The following GPR142 variants were observed in gnomAD, a reference collection of about 807,000 sequenced individuals.
GPR142 encodes the protein G protein-coupled receptor 142.
In GPR142, 9 loss-of-function variants were observed where a neutral mutation model predicts 10.6. The ratio of observed to expected loss-of-function variants is 0.85; its 90% CI spans 0.51 to 1.48. GPR142 has a LOEUF of 1.48. Among genes scored for constraint, GPR142 ranks in the 40% most tolerant of loss-of-function variants. GPR142 has a pLI of 0.00. For synonymous variants in GPR142, 202 were observed against 221.2 expected (o/e 0.91, Z 0.77); for missense variants, 482 against 506.0 (o/e 0.95, Z 0.45).
chr17:74,371,906 G>T lies in GPR142; in HGVS notation c.431G>T (p.Arg144Leu), dbSNP rs374270854. The T allele has an allele frequency of 1.9e-6, 3 of 1,612,674 alleles. No homozygotes were observed. In the African/African-American group the frequency reaches 4.0e-5, roughly 22 times the overall value. ...LARQVPQAVV[R>L]TANILEFAAN... ...CGCCAGGTGCCCCAGGCTGTGGTGC[G>T]CACGGCCAACATCCTGGAGTTTGCT... Residue 144 changes from arginine (R) to leucine (L), a missense_variant, in exon 4 of 4, where the codon CGC (arginine) becomes CTC (leucine). Physicochemically the swap from Arg to Leu is moderately radical, Grantham distance 102. Coordinates refer to ENST00000582579, the MANE Select transcript of GPR142 (RefSeq NM_001331076.1).
Position 74,371,924 on chromosome 17 carries a change from A to G in GPR142, c.449A>G (p.Glu150Gly), listed in dbSNP as rs2144342298. The G allele has an allele frequency of 6.2e-7, 1 of 1,612,864 alleles. No individual in the cohort carries two copies. The highest frequency in any genetic ancestry group is 1.3e-5 in the African/African-American group (1 of 75,026). Reference protein sequence around the residue: ...QAVVRTANILEFAANHASVWI... With the variant: ...QAVVRTANILGFAANHASVWI... ...GTGGTGCGCACGGCCAACATCCTGG[A>G]GTTTGCTGCCAACCACGCCTCAGTC... Residue 150 changes from glutamate (E) to glycine (G), a missense_variant, in exon 4 of 4, where the codon GAG becomes GGG. By Grantham distance (98) the Glu-to-Gly change is moderately conservative. Coordinates refer to ENST00000582579, the MANE Select transcript of GPR142 (RefSeq NM_001331076.1).
Position 74,369,760 on chromosome 17 carries a change from C to A in GPR142, c.94+126C>A, listed in dbSNP as rs562169846. Reference sequence around the variant, plus strand: ...AGCTGAGAGTGAGTGAGCAGTGAGCCCCCCGGCCTCAGCAGGAAACGAAAA... The same window carrying A: ...AGCTGAGAGTGAGTGAGCAGTGAGCACCCCGGCCTCAGCAGGAAACGAAAA... On this transcript the variant is annotated intron_variant, in intron 2 of 3. Coordinates refer to ENST00000582579, the MANE Select transcript of GPR142 (RefSeq NM_001331076.1). The A allele has an allele frequency of 2.8e-4, 273 of 970,258 alleles. 1 individual carries two copies. The African/African-American group carries it at 3.8e-3, about 13-fold the overall frequency. The allele number at this position is 970,258 out of a possible 1,614,324, so 60.1% of individuals were successfully genotyped here.
At chr17:74,371,335 T>C (rs1018139705) in intron 3 of GPR142, among the ~76,000 whole-genome samples, 6 of 152,272 alleles carry the variant, frequency 3.9e-5, no homozygotes, top group African/African-American at 1.2e-4. Flanking sequence ...TTGTATATTT[T>C]TTTAACAGAG....
rs775171440 is a variant in GPR142 at position 74,371,993 on chromosome 17, G to GCCAC, written c.521_524dup (p.Leu176ProfsTer?). 1 of 1,612,940 alleles carries GCCAC rather than the reference G, an allele frequency of 6.2e-7. No individual in the cohort carries two copies. The highest frequency in any genetic ancestry group is 8.5e-7 in the Non-Finnish European group (1 of 1,179,924). ...ACGGTTGACCGCTACACTGCCCTGT[G>GCCAC]CCACCCCCTGCACCATCGGGCCGCC... is the stretch of plus-strand genomic sequence containing the variant. On this transcript the variant is annotated frameshift_variant, in exon 4 of 4. Transcript: ENST00000582579. LOFTEE classifies it low-confidence loss of function (END_TRUNC).
Position 74,369,450 on chromosome 17 carries a change from C to G in GPR142, c.-73-18C>G. 1 of 1,553,826 alleles carries G rather than the reference C, an allele frequency of 6.4e-7. No individual in the cohort carries two copies. The highest frequency in any genetic ancestry group is 8.7e-7 in the Non-Finnish European group (1 of 1,147,932). On this transcript the variant is annotated intron_variant, in intron 1 of 3. Coordinates refer to ENST00000582579, the MANE Select transcript of GPR142 (RefSeq NM_001331076.1). ...TTCCTTCCTCCTCCTTCCCCCGCCC[C>G]GCCCCCTGCACTAACAGGCTCAGTG... is the stretch of plus-strand genomic sequence containing the variant.
rs1179292751 is a variant in GPR142 at position 74,372,448 on chromosome 17, C to T, written c.973C>T (p.Leu325Phe). 5.0e-6 allele frequency: 8 copies of T among 1,613,824 alleles called. No homozygotes were observed. Among genetic ancestry groups the T allele is most frequent in the Non-Finnish European group, 5.1e-6 (6 of 1,179,978 alleles). The change falls in exon 4 of 4, where the codon CTC (leucine) becomes TTC (phenylalanine). Residue 325 changes from leucine to phenylalanine, a missense_variant. Coordinates refer to ENST00000582579, the MANE Select transcript of GPR142 (RefSeq NM_001331076.1). Reference protein sequence around the residue: ...AMLHTAANFGLYCFVSKTFRA... With the variant: ...AMLHTAANFGFYCFVSKTFRA... ...GCTCCACACGGCAGCCAACTTCGGC[C>T]TCTACTGCTTTGTCAGCAAGACTTT...
At chr17:74,370,251 G>A (rs1200534749) in intron 2 of GPR142, among the ~76,000 whole-genome samples, 2 of 152,226 alleles carry the variant, frequency 1.3e-5, no homozygotes, top group African/African-American at 4.8e-5. Context: ...CCCATGGGGA[G>A]CAATGGTCTC....
At position 74,372,095 on chromosome 17, in the gene GPR142, G is replaced by A. The variant is rs929029650; in HGVS notation, c.620G>A (p.Trp207Ter). The A allele has an allele frequency of 5.6e-6, 9 of 1,614,214 alleles. No individual in the cohort carries two copies. Among genetic ancestry groups the A allele is most frequent in the Non-Finnish European group, 7.6e-6 (9 of 1,180,046 alleles). Residue 207 changes from tryptophan (W) to a stop codon, truncating the protein, a stop_gained, in exon 4 of 4, where the codon TGG becomes TAG. Coordinates refer to ENST00000582579, the MANE Select transcript of GPR142 (RefSeq NM_001331076.1). LOFTEE classifies it low-confidence loss of function (END_TRUNC). ...CTGTTGACCGGCATCCCCTTCTACT[G>A]GTGGCTGGACATGTGGAGAGACACC... ...AALLTGIPFY[W>*]WLDMWRDTDS...
intron 1 of GPR142, among the ~76,000 whole-genome samples, chr17:74,368,481 G>C (rs540634617): frequency 3.4e-4 from 52 of 152,278 alleles, no homozygotes; most frequent in African/African-American, 7.5e-4. Flanking sequence ...GTATCCGAGG[G>C]GGGGTTGGGA....
Position 74,367,565 on chromosome 17 carries a change from G to T in GPR142, c.-303G>T, listed in dbSNP as rs1317008428. On this transcript the variant is annotated 5_prime_UTR_variant, in exon 1 of 4. In the 5' UTR this introduces an upstream ATG that the reference lacks. Coordinates refer to ENST00000582579, the MANE Select transcript of GPR142 (RefSeq NM_001331076.1). ...TCCAGTGGGTCCCCACTTCCCTGCA[G>T]GACATCACTGCTGTCCTGGGTACAG... The T allele has an allele frequency of 1.9e-6, 3 of 1,614,156 alleles. No homozygotes were observed. Among genetic ancestry groups the T allele is most frequent in the Non-Finnish European group, 2.5e-6 (3 of 1,180,004 alleles).
intron 3 of GPR142, 137 bp from the exon 4 acceptor site, chr17:74,371,592 G>C: frequency 1.1e-6 from 1 of 933,156 alleles, no homozygotes; most frequent in African/African-American, 1.6e-5. Context: ...GTTTCAGAAG[G>C]ATCTGGAAGG....
chr17:74,369,812 G>A lies in GPR142; in HGVS notation c.94+178G>A, dbSNP rs567055273. ...CTGGAGTTCAGCCTGAAAGAGACGCGCAGTGTGGCTTCAGGGGAACAGGGG... is the reference window on the plus strand; with the variant it reads ...CTGGAGTTCAGCCTGAAAGAGACGCACAGTGTGGCTTCAGGGGAACAGGGG... On this transcript the variant is annotated intron_variant, in intron 2 of 3. Coordinates refer to ENST00000582579, the MANE Select transcript of GPR142 (RefSeq NM_001331076.1). Among the ~76,000 whole-genome samples, 15 of 152,268 alleles carry A rather than the reference G, an allele frequency of 9.9e-5. No individual in the cohort carries two copies. In the South Asian group the frequency reaches 2.3e-3, roughly 23 times the overall value.
In GPR142 at chr17:74,372,551, C is replaced by T. The variant is rs544945480; in HGVS notation, c.1076C>T (p.Ala359Val). Reference sequence around the variant, plus strand: ...GCATCACAGCCAGAGGGCATGGCGGCGAAGCCTGTGATGGAGCCTCCGGGA... The same window carrying T: ...GCATCACAGCCAGAGGGCATGGCGGTGAAGCCTGTGATGGAGCCTCCGGGA... ...TLASQPEGMAAKPVMEPPGLP... is the reference protein window; with the variant it reads ...TLASQPEGMAVKPVMEPPGLP... Residue 359 changes from alanine to valine, a missense_variant, in exon 4 of 4, where the codon GCG becomes GTG. Transcript: ENST00000582579. 222 of 1,611,280 alleles carry T rather than the reference C, an allele frequency of 1.4e-4. No homozygotes were observed. Among genetic ancestry groups the T allele is most frequent in the Middle Eastern group, 3.3e-4 (2 of 6,058 alleles).
At position 74,367,531 on chromosome 17, in the gene GPR142, A is replaced by C; in HGVS notation, c.-337A>C. The C allele has an allele frequency of 6.2e-7, 1 of 1,614,056 alleles. No homozygotes were observed. Among genetic ancestry groups the C allele is most frequent in the Non-Finnish European group, 8.5e-7 (1 of 1,179,972 alleles). On this transcript the variant is annotated 5_prime_UTR_variant, in exon 1 of 4. Transcript: ENST00000582579. Reference sequence around the variant, plus strand: ...ATGAGTATTATGATGTTGCCCATGGAGCAAAAGATCCAGTGGGTCCCCACT... The same window carrying C: ...ATGAGTATTATGATGTTGCCCATGGCGCAAAAGATCCAGTGGGTCCCCACT...
At chr17:74,369,441 C>G in intron 1 of GPR142, 27 bp from the exon 2 acceptor site, 1 of 1,547,388 alleles carries the variant, frequency 6.5e-7, no homozygotes, top group Non-Finnish European at 8.7e-7. Context: ...CCTCCTCCTT[C>G]CCCCGCCCCG....
In GPR142 at chr17:74,369,625, C is replaced by A; in HGVS notation, c.85C>A (p.Arg29=). 1 of 1,546,426 alleles carries A rather than the reference C, an allele frequency of 6.5e-7. No individual in the cohort carries two copies. The highest frequency in any genetic ancestry group is 8.7e-7 in the Non-Finnish European group (1 of 1,145,406). ...GCCCCAGAGCATGGGGCTTGAGGGA[C>A]GAGAGACAGGTAAGGCATCTTGAAG... is the stretch of plus-strand genomic sequence containing the variant. ...SGPQSMGLEG[R]ETAGQPRVTL... is the part of the protein sequence containing the mutation. The change falls in exon 2 of 4, where the codon CGA becomes AGA. Residue 29 remains arginine, a synonymous_variant. Coordinates refer to ENST00000582579, the MANE Select transcript of GPR142 (RefSeq NM_001331076.1).
At position 74,372,040 on chromosome 17, in the gene GPR142, C is replaced by T. The variant is rs375886308; in HGVS notation, c.565C>T (p.Arg189Trp). 25 of 1,613,936 alleles carry T rather than the reference C, an allele frequency of 1.5e-5. No individual in the cohort carries two copies. The highest frequency in any genetic ancestry group is 1.0e-4 in the Admixed American group (6 of 59,998). The change falls in exon 4 of 4, where the codon CGG becomes TGG. Residue 189 changes from arginine to tryptophan, a missense_variant. Coordinates refer to ENST00000582579, the MANE Select transcript of GPR142 (RefSeq NM_001331076.1). The part of the protein sequence containing the change: ...RAASSPGRTR[R>W]AIAAVLSAAL... ...CGCCTCGTCCCCAGGCCGGACCCGC[C>T]GGGCCATTGCTGCTGTCCTGAGTGC...
chr17:74,371,940 C>T lies in GPR142; in HGVS notation c.465C>T (p.His155=), dbSNP rs75949265. The part of the protein sequence containing the change: ...TANILEFAAN[H]ASVWIAILLT... ...ACATCCTGGAGTTTGCTGCCAACCA[C>T]GCCTCAGTCTGGATCGCCATCCTGC... is the stretch of plus-strand genomic sequence containing the variant. The change falls in exon 4 of 4, where the codon CAC becomes CAT. Residue 155 remains histidine, a synonymous_variant. Transcript: ENST00000582579. 8.3e-4 allele frequency: 1,340 copies of T among 1,612,820 alleles called. 10 individuals are homozygous for T. The African/African-American group carries it at 0.014, about 17-fold the overall frequency.
chr17:74,370,765 C>A, intron 3 of GPR142, 86 bp downstream of exon 3: 1 of 1,300,446 alleles, frequency 7.7e-7, no homozygotes, highest in Non-Finnish European at 1.1e-6. Flanking sequence ...CTGTGTTTGA[C>A]CCCTGAGGCC....
Sources: allele counts gnomAD v4.1 joint callset (sites outside exome capture counted in the v4.1 genomes callset), GRCh38; gene constraint gnomAD v4.1.1; transcripts MANE v1.5; gene names NCBI Gene and HGNC (gene_info 2026-07-23, HGNC 2026-07-21).